A4GNT: variants seen among roughly 807,000 people sequenced by gnomAD.
A4GNT encodes the protein alpha-1,4-N-acetylglucosaminyltransferase.
Under a neutral mutation model 8.3 loss-of-function variants are expected in A4GNT, and 6 were observed. The observed-to-expected ratio is 0.72, with a 90% confidence interval of 0.39 to 1.42. A4GNT has a LOEUF of 1.42. Ranked by LOEUF, A4GNT falls within the 40% of genes most tolerant of loss-of-function variation. The pLI, the probability that A4GNT is intolerant of heterozygous loss-of-function variation, is 0.02. For missense variants in A4GNT, 377 were observed against 417.0 expected, an observed-to-expected ratio of 0.90 and a Z score of 0.84; for synonymous variants, 157 against 159.8, an observed-to-expected ratio of 0.98 and a Z score of 0.13.
intron 2 of A4GNT, among the ~76,000 whole-genome samples, chr3:138,127,005 A>G (rs1186058411): frequency 7.6e-6 from 1 of 132,122 alleles, no homozygotes; most frequent in Non-Finnish European, 1.6e-5. Context: ...GGTGGTGGGC[A>G]CCTGTAATCC....
chr3:138,129,548 C>A (rs2042764317), intron 2 of A4GNT, among the ~76,000 whole-genome samples: 1 of 152,132 alleles, frequency 6.6e-6, no homozygotes, highest in South Asian at 2.1e-4. Context: ...GGACTTCTGG[C>A]CTCCAGAACT....
intron 2 of A4GNT, among the ~76,000 whole-genome samples, chr3:138,128,402 T>C (rs2042757978): frequency 6.6e-6 from 1 of 152,028 alleles, no homozygotes; most frequent in Non-Finnish European, 1.5e-5. Flanking sequence ...AGGGAGCTTT[T>C]ACTCACAGCT....
At chr3:138,131,355 C>T (rs2042776327) in intron 1 of A4GNT, 73 bp from the exon 2 acceptor site, 2 of 1,175,722 alleles carry the variant, frequency 1.7e-6, no homozygotes, top group East Asian at 2.8e-5. Flanking sequence ...GAAAATGATA[C>T]ATGAATATCA....
At position 138,124,977 on chromosome 3, in the gene A4GNT, G is replaced by A. The variant is rs2042737360; in HGVS notation, c.409-99C>T. ...CCAGAGAGGCTGGGGAGGGGTTAAA[G>A]AAGCCAGCTTCCCAAAATCCTATTT... On this transcript the variant is annotated intron_variant, in intron 2 of 2. Coordinates refer to ENST00000236709, the MANE Select transcript of A4GNT (RefSeq NM_016161.3). The A allele has an allele frequency of 2.3e-5, 33 of 1,436,956 alleles. No individual in the cohort carries two copies. The South Asian group carries it at 4.1e-4, about 18-fold the overall frequency. The allele number at this position is 1,436,956 out of a possible 1,614,324, so 89.0% of individuals were successfully genotyped here. A position where few individuals can be genotyped will look rare whatever the true frequency, so the allele number is the denominator to read the frequency against.
In A4GNT at chr3:138,124,343, T is replaced by G; in HGVS notation, c.944A>C (p.His315Pro). The part of the protein sequence containing the change: ...NTLVENLYRK[H>P]CPRTYRDLIK... Reference sequence around the variant, plus strand: ...CAGGTCCCTGTAAGTCCTGGGACAGTGCTTGCGATAGAGATTTTCCACCAG... The same window carrying G: ...CAGGTCCCTGTAAGTCCTGGGACAGGGCTTGCGATAGAGATTTTCCACCAG... The change falls in exon 3 of 3, where the codon CAC becomes CCC. Residue 315 changes from histidine (H) to proline (P), a missense_variant. Transcript: ENST00000236709. The G allele has an allele frequency of 6.2e-7, 1 of 1,614,266 alleles. No individual in the cohort carries two copies. The highest frequency in any genetic ancestry group is 8.5e-7 in the Non-Finnish European group (1 of 1,180,048).
At chr3:138,128,871 A>G (rs751520791) in intron 2 of A4GNT, among the ~76,000 whole-genome samples, 1 of 151,984 alleles carries the variant, frequency 6.6e-6, no homozygotes, top group Non-Finnish European at 1.5e-5. Context: ...CTGCCAACAC[A>G]GTGAAAACTC....
chr3:138,131,419 A>T, intron 1 of A4GNT, 137 bp from the exon 2 acceptor site: 1 of 791,554 alleles, frequency 1.3e-6, no homozygotes, highest in African/African-American at 1.8e-5. Flanking sequence ...AATCAAGTCC[A>T]GCAATATTAA....
At chr3:138,128,370 G>T (rs2042757875) in intron 2 of A4GNT, among the ~76,000 whole-genome samples, 1 of 152,124 alleles carries the variant, frequency 6.6e-6, no homozygotes, top group Non-Finnish European at 1.5e-5. Context: ...AACAGCATTT[G>T]CTTGGCTTCT....
At chr3:138,125,945 G>A (rs566229964) in intron 2 of A4GNT, among the ~76,000 whole-genome samples, 2 of 152,194 alleles carry the variant, frequency 1.3e-5, no homozygotes, top group African/African-American at 2.4e-5. Flanking sequence ...GGGTGGGGAG[G>A]GAGGCCGGAT....
rs543746583 is a variant in A4GNT, at chr3:138,125,013, G to A, written c.409-135C>T. ...CCCAAAATCCTATTTGCCACAGCCC[G>A]ATTTTGCAAGTTTACCAAACTTACC... On this transcript the variant is annotated intron_variant, in intron 2 of 2. Transcript: ENST00000236709. 17 of 1,188,158 alleles carry A rather than the reference G, an allele frequency of 1.4e-5. No homozygotes were observed. The African/African-American group carries it at 2.2e-4, about 15-fold the overall frequency. 73.6% of individuals were successfully genotyped at this position (1,188,158 alleles called of 1,614,324 possible). A position where few individuals can be genotyped will look rare whatever the true frequency, so the allele number is the denominator to read the frequency against.
At chr3:138,127,525 G>C (rs1432081427) in intron 2 of A4GNT, among the ~76,000 whole-genome samples, 1 of 149,628 alleles carries the variant, frequency 6.7e-6, no homozygotes, top group East Asian at 2.0e-4. Context: ...AGTGAGCCGA[G>C]ATCACGCCAC....
At chr3:138,129,240 T>C (rs566312392) in intron 2 of A4GNT, among the ~76,000 whole-genome samples, 1 of 152,242 alleles carries the variant, frequency 6.6e-6, no homozygotes, top group African/African-American at 2.4e-5. Flanking sequence ...TGTTACCTTA[T>C]ATGGGAAAAG....
chr3:138,129,494 C>T (rs2107887274), intron 2 of A4GNT, among the ~76,000 whole-genome samples: 1 of 152,274 alleles, frequency 6.6e-6, no homozygotes, highest in East Asian at 1.9e-4. Context: ...GGAGGAAATG[C>T]AGCCCTGCCA....
chr3:138,131,075 ATTCTCTCT>A lies in A4GNT; in HGVS notation c.174_181del (p.Glu59GlyfsTer19). 1.9e-6 allele frequency: 3 copies of A among 1,613,724 alleles called. No individual in the cohort carries two copies. The highest frequency in any genetic ancestry group is 2.5e-6 in the Non-Finnish European group (3 of 1,179,686). ...ACAGGAGACCAAATGGGGTGGCTCC[ATTCTCTCT>A]GAGGTCTCTAGAAACACAATGCCAC... is the stretch of plus-strand genomic sequence containing the variant. On this transcript the variant is annotated frameshift_variant, in exon 2 of 3. Coordinates refer to ENST00000236709, the MANE Select transcript of A4GNT (RefSeq NM_016161.3). LOFTEE classifies it high-confidence loss of function.
chr3:138,124,035 C>T lies in A4GNT; in HGVS notation c.*229G>A, dbSNP rs1455311353. 3.8e-6 allele frequency: 2 copies of T among 525,426 alleles called. No homozygotes were observed. Among genetic ancestry groups the T allele is most frequent in the Non-Finnish European group, 6.5e-6 (2 of 307,638 alleles). 32.5% of individuals were successfully genotyped at this position (525,426 alleles called of 1,614,324 possible). A position where few individuals can be genotyped will look rare whatever the true frequency, so the allele number is the denominator to read the frequency against. On this transcript the variant is annotated 3_prime_UTR_variant, in exon 3 of 3. Transcript: ENST00000236709. ...TTTCTTCATCCTACTGCCTGAAATG[C>T]AAACATGGTGGGTTGGAGGTCAAGC... is the stretch of plus-strand genomic sequence containing the variant.
At chr3:138,128,580 A>G (rs1344614604) in intron 2 of A4GNT, among the ~76,000 whole-genome samples, 3 of 152,046 alleles carry the variant, frequency 2.0e-5, no homozygotes, top group Admixed American at 2.0e-4. Flanking sequence ...CCATGACCCA[A>G]TTACCTCCTA....
chr3:138,127,118 CAAAAAA>C (rs898641661), intron 2 of A4GNT, among the ~76,000 whole-genome samples: 35 of 34,084 alleles, frequency 1.0e-3, no homozygotes, highest in African/African-American at 3.3e-3. Flanking sequence ...GACTCCATCT[CAAAAAA>C]AAAAAAAAAA....
intron 2 of A4GNT, among the ~76,000 whole-genome samples, chr3:138,130,184 T>C (rs1225398885): frequency 6.6e-6 from 1 of 152,162 alleles, no homozygotes; most frequent in African/African-American, 2.4e-5. Flanking sequence ...TAATTCCATA[T>C]TGTGTTATAG....
chr3:138,124,891 G>A lies in A4GNT; in HGVS notation c.409-13C>T, dbSNP rs1308321055. On this transcript the variant is annotated splice_polypyrimidine_tract_variant and intron_variant, in intron 2 of 2. Coordinates refer to ENST00000236709, the MANE Select transcript of A4GNT (RefSeq NM_016161.3). Reference sequence around the variant, plus strand: ...CGCTGGCGTTGATCTGCAGGAGCAGGTGCAAATCAGCCCCAAGTAGCCAGG... The same window carrying A: ...CGCTGGCGTTGATCTGCAGGAGCAGATGCAAATCAGCCCCAAGTAGCCAGG... 6.2e-7 allele frequency: 1 copy of A among 1,603,924 alleles called. No homozygotes were observed. The highest frequency in any genetic ancestry group is 8.5e-7 in the Non-Finnish European group (1 of 1,174,142).
Sources: gnomAD v4.1 joint callset for allele counts (sites outside exome capture counted in the v4.1 genomes callset) on GRCh38, gnomAD v4.1.1 for gene constraint, MANE v1.5 for transcripts, NCBI Gene and HGNC (gene_info 2026-07-23, HGNC 2026-07-21) for gene names.